The following BZW2 variants were observed in gnomAD, a reference collection of about 807,000 sequenced individuals.
BZW2 encodes basic leucine zipper and W2 domains 2, also known as eIF5-mimic protein 1.
Under a neutral mutation model 53.2 loss-of-function variants are expected in BZW2, and 23 were observed. The observed-to-expected ratio is 0.43, with a 90% confidence interval of 0.31 to 0.61. BZW2 has a LOEUF of 0.61. Among genes scored for constraint, BZW2 ranks in the 20% least tolerant of loss-of-function variants. The pLI is 0.09. For synonymous variants in BZW2, 227 were observed against 186.4 expected (o/e 1.22, Z -1.77); for missense variants, 409 against 503.1 (o/e 0.81, Z 1.79).
At chr7:16,663,889 A>G (rs577062485) in intron 1 of BZW2, among the ~76,000 whole-genome samples, 2 of 152,336 alleles carry the variant, frequency 1.3e-5, no homozygotes, top group African/African-American at 4.8e-5. Flanking sequence ...CAAAGATAAT[A>G]TATTGCAATT....
intron 1 of BZW2, among the ~76,000 whole-genome samples, chr7:16,646,875 G>C (rs1781879278): frequency 6.6e-6 from 1 of 152,150 alleles, no homozygotes; most frequent in African/African-American, 2.4e-5. Context: ...GAGACAGCCT[G>C]TGGGAGGGGG....
chr7:16,705,126 G>T (rs923626840), intron 11 of BZW2, among the ~76,000 whole-genome samples: 12 of 152,158 alleles, frequency 7.9e-5, no homozygotes, highest in Non-Finnish European at 1.8e-4. Flanking sequence ...GGAAGCAGAG[G>T]TGGGTGGATC....
chr7:16,650,973 ATTCT>A (rs1007318181), intron 1 of BZW2, among the ~76,000 whole-genome samples: 1 of 152,236 alleles, frequency 6.6e-6, no homozygotes, highest in Non-Finnish European at 1.5e-5. Context: ...TGTTCTCATT[ATTCT>A]TTCTTGATTT....
At chr7:16,662,231 T>TA (rs1427595414) in intron 1 of BZW2, 1 of 151,608 alleles carries the variant, frequency 6.6e-6, no homozygotes, top group Admixed American at 6.6e-5. Context: ...AGAATATCTT[T>TA]ATTTAGTCTG....
intron 10 of BZW2, among the ~76,000 whole-genome samples, chr7:16,702,507 G>T (rs545543152): frequency 1.3e-5 from 2 of 152,004 alleles, no homozygotes; most frequent in Non-Finnish European, 2.9e-5. Context: ...GAATATCAAG[G>T]CACAAGATTT....
At chr7:16,666,405 A>ATTTATTTG (rs1413478354) in intron 2 of BZW2, among the ~76,000 whole-genome samples, 1 of 150,254 alleles carries the variant, frequency 6.7e-6, no homozygotes, top group Non-Finnish European at 1.5e-5. Flanking sequence ...TTATTTATTT[A>ATTTATTTG]TTTATTTATT....
At position 16,680,881 on chromosome 7, in the gene BZW2, G is replaced by A. The variant is rs184691226; in HGVS notation, c.236-420G>A. Among the ~76,000 whole-genome samples, 164 of 152,130 alleles carry A rather than the reference G, an allele frequency of 1.1e-3. 2 individuals are homozygous for A. The highest frequency in any genetic ancestry group is 3.5e-4 in the Non-Finnish European group (24 of 67,998). ...AGCACTTTGGGAGGCTGAGGTGGGC[G>A]GATCACAAGGTCAGGAGTTCGAGAC... On this transcript the variant is annotated intron_variant, in intron 3 of 11. Transcript: ENST00000258761.
Position 16,697,075 on chromosome 7 carries a change from G to A in BZW2, c.969+14G>A. 4 of 1,612,338 alleles carry A rather than the reference G, an allele frequency of 2.5e-6. No homozygotes were observed. The highest frequency in any genetic ancestry group is 3.4e-6 in the Non-Finnish European group (4 of 1,179,402). On this transcript the variant is annotated intron_variant, in intron 9 of 11. Transcript: ENST00000258761. Reference sequence around the variant, plus strand: ...AAGCACCTGAAGGTAACAGCCCTTAGCAAGGAACTGACCCAGCCAAGGGCA... The same window carrying A: ...AAGCACCTGAAGGTAACAGCCCTTAACAAGGAACTGACCCAGCCAAGGGCA...
intron 1 of BZW2, among the ~76,000 whole-genome samples, chr7:16,651,706 T>G (rs1253871845): frequency 6.6e-6 from 1 of 152,202 alleles, no homozygotes. Context: ...GTGCCATAAA[T>G]TTTCTAATAT....
intron 1 of BZW2, among the ~76,000 whole-genome samples, chr7:16,648,436 A>G (rs1781918800): frequency 6.6e-6 from 1 of 152,246 alleles, no homozygotes; most frequent in Non-Finnish European, 1.5e-5. Context: ...TCAGAATTGG[A>G]ATAATGATTT....
intron 1 of BZW2, among the ~76,000 whole-genome samples, chr7:16,649,768 G>T (rs1048844120): frequency 4.6e-5 from 7 of 152,162 alleles, no homozygotes; most frequent in Non-Finnish European, 5.9e-5. Context: ...GATAGGAACA[G>T]AATTATTTCA....
intron 3 of BZW2, among the ~76,000 whole-genome samples, chr7:16,675,285 T>C (rs965663447): frequency 3.9e-5 from 6 of 152,196 alleles, no homozygotes; most frequent in Non-Finnish European, 7.3e-5. Flanking sequence ...AACGGTCAAA[T>C]TTCCTAGGCC....
intron 8 of BZW2, 73 bp from the exon 9 acceptor site, chr7:16,696,842 C>T (rs1322110601): frequency 2.0e-6 from 3 of 1,499,186 alleles, no homozygotes; most frequent in African/African-American, 2.8e-5. Context: ...CCTTGATTGA[C>T]TGGGCAGCTA....
chr7:16,697,759 C>T (rs770431750), intron 9 of BZW2, among the ~76,000 whole-genome samples: 9 of 152,088 alleles, frequency 5.9e-5, no homozygotes, highest in Admixed American at 4.6e-4. Context: ...AGGGATATTT[C>T]GAAAATGAGG....
At chr7:16,656,148 T>TATATATATATAC (rs1184513781) in intron 1 of BZW2, among the ~76,000 whole-genome samples, 1 of 148,234 alleles carries the variant, frequency 6.7e-6, no homozygotes, top group African/African-American at 2.6e-5. Context: ...TATATATATA[T>TATATATATATAC]ATACATAAAT....
At chr7:16,646,672 C>T (rs995880732) in intron 1 of BZW2, among the ~76,000 whole-genome samples, 1 of 152,164 alleles carries the variant, frequency 6.6e-6, no homozygotes, top group African/African-American at 2.4e-5. Context: ...GCAAGGACAG[C>T]GCCCCATTAC....
At chr7:16,700,147 A>G (rs796908355) in intron 10 of BZW2, among the ~76,000 whole-genome samples, 4 of 152,322 alleles carry the variant, frequency 2.6e-5, no homozygotes, top group African/African-American at 9.6e-5. Flanking sequence ...AACCTAAAAC[A>G]CATCACTGAA....
chr7:16,657,518 T>G (rs1782151944), intron 1 of BZW2, among the ~76,000 whole-genome samples: 1 of 152,220 alleles, frequency 6.6e-6, no homozygotes, highest in Non-Finnish European at 1.5e-5. Context: ...TCTGCTCTCT[T>G]TAAAACCCAT....
chr7:16,668,970 G>A (rs1290590404), intron 2 of BZW2, among the ~76,000 whole-genome samples: 1 of 152,072 alleles, frequency 6.6e-6, no homozygotes, highest in African/African-American at 2.4e-5. Flanking sequence ...TTTGCTAAAT[G>A]AAACATTTAA....
Sources: gnomAD v4.1 joint callset for allele counts (sites outside exome capture counted in the v4.1 genomes callset) on GRCh38, gnomAD v4.1.1 for gene constraint, MANE v1.5 for transcripts, NCBI Gene and HGNC (gene_info 2026-07-23, HGNC 2026-07-21) for gene names.